STAB2: variants seen among roughly 807,000 people sequenced by gnomAD.
STAB2 encodes the protein stabilin-2.
A neutral mutation model predicts 338.1 loss-of-function variants in STAB2; 288 were observed. The observed-to-expected ratio is 0.85, with a 90% CI of 0.77 to 0.94. The LOEUF is 0.94. Ranked by LOEUF, STAB2 falls within the 40% of genes least tolerant of loss-of-function variation. The pLI, the probability that STAB2 is intolerant of heterozygous loss-of-function variation, is 0.00. For synonymous variants in STAB2, 1,202 were observed against 1,193.3 expected, an observed-to-expected ratio of 1.01 and a Z score of -0.15; for missense variants, 3,141 against 3,210.1, an observed-to-expected ratio of 0.98 and a Z score of 0.52.
At chr12:103,588,872 A>G (rs1322300576) in intron 1 of STAB2, among the ~76,000 whole-genome samples, 6 of 152,240 alleles carry the variant, frequency 3.9e-5, no homozygotes, top group Non-Finnish European at 8.8e-5. Context: ...ATTACTCAAT[A>G]AAGAACCTTC....
chr12:103,637,270 T>C (rs1290943655), intron 7 of STAB2, 34 bp downstream of exon 7: 1 of 1,596,432 alleles, frequency 6.3e-7, no homozygotes, highest in Non-Finnish European at 8.5e-7. Context: ...AGTTTATTCA[T>C]TGAGATGTTT....
chr12:103,619,860 T>C (rs1441124854), intron 3 of STAB2, among the ~76,000 whole-genome samples: 2 of 151,948 alleles, frequency 1.3e-5, no homozygotes, highest in Non-Finnish European at 2.9e-5. Context: ...TCCAAGACCT[T>C]GTACTTGCTA....
chr12:103,673,805 T>TG (rs1457724044), intron 22 of STAB2, 102 bp from the exon 23 acceptor site: 4 of 1,239,130 alleles, frequency 3.2e-6, no homozygotes, highest in South Asian at 2.9e-5. Context: ...CAAGAGTGAG[T>TG]GGGGGGTGAG....
At chr12:103,763,641 C>T in intron 68 of STAB2, 33 bp downstream of exon 68, 1 of 1,574,438 alleles carries the variant, frequency 6.4e-7, no homozygotes, top group Non-Finnish European at 8.7e-7. Flanking sequence ...GAATAGGTTC[C>T]CTTGGGGTAC....
chr12:103,744,501 C>G (rs113009487), intron 56 of STAB2, among the ~76,000 whole-genome samples: 4,116 of 137,934 alleles, frequency 0.03, 83 homozygotes, highest in Non-Finnish European at 0.045. Context: ...GGGTCTCACT[C>G]TGTTACCCAG....
intron 39 of STAB2, 113 bp from the exon 40 acceptor site, chr12:103,711,358 T>C: frequency 4.3e-6 from 6 of 1,400,490 alleles, no homozygotes; most frequent in African/African-American, 2.9e-5. Context: ...TTTATATCGC[T>C]CACATGATAC....
intron 33 of STAB2, among the ~76,000 whole-genome samples, chr12:103,698,791 G>A (rs768306890): frequency 6.6e-5 from 10 of 152,106 alleles, no homozygotes; most frequent in Non-Finnish European, 1.0e-4. Flanking sequence ...TAACTTCTCA[G>A]TAGTTCTGCC....
At chr12:103,689,534 CAT>C (rs1001775691) in intron 28 of STAB2, among the ~76,000 whole-genome samples, 9 of 151,762 alleles carry the variant, frequency 5.9e-5, no homozygotes, top group Non-Finnish European at 1.3e-4. Context: ...TGCACACACA[CAT>C]ACTCACAAGA....
At chr12:103,660,796 T>A in intron 17 of STAB2, 33 bp downstream of exon 17, 1 of 1,598,200 alleles carries the variant, frequency 6.3e-7, no homozygotes. Flanking sequence ...CCAGCATCAC[T>A]TGAACACATC....
chr12:103,627,892 C>T (rs1957404585), intron 5 of STAB2, among the ~76,000 whole-genome samples: 1 of 152,244 alleles, frequency 6.6e-6, no homozygotes, highest in Non-Finnish European at 1.5e-5. Flanking sequence ...CTTCCCACTA[C>T]ACTGTGAGCT....
intron 19 of STAB2, among the ~76,000 whole-genome samples, chr12:103,667,403 C>T (rs1324741987): frequency 6.6e-6 from 1 of 152,154 alleles, no homozygotes; most frequent in East Asian, 1.9e-4. Context: ...TCACCATAAC[C>T]AATGTATGAT....
chr12:103,620,691 T>A, intron 4 of STAB2, 138 bp downstream of exon 4: 1 of 794,116 alleles, frequency 1.3e-6, no homozygotes, highest in Non-Finnish European at 2.0e-6. Flanking sequence ...TCTTAAGCAG[T>A]GAAGGTATTA....
intron 22 of STAB2, among the ~76,000 whole-genome samples, chr12:103,671,285 C>G (rs1311728860): frequency 1.3e-5 from 2 of 152,114 alleles, no homozygotes; most frequent in Non-Finnish European, 2.9e-5. Context: ...AACCCCATCT[C>G]TACTAAAAAT....
At chr12:103,606,980 T>A (rs1048867234) in intron 3 of STAB2, among the ~76,000 whole-genome samples, 1 of 151,988 alleles carries the variant, frequency 6.6e-6, no homozygotes, top group Non-Finnish European at 1.5e-5. Context: ...CAAGACTCTG[T>A]CTCAAAAACA....
At chr12:103,601,466 C>G (rs1956953147) in intron 3 of STAB2, among the ~76,000 whole-genome samples, 1 of 152,150 alleles carries the variant, frequency 6.6e-6, no homozygotes, top group South Asian at 2.1e-4. Context: ...GTCGTGGGTG[C>G]CTGTAATCCA....
intron 63 of STAB2, among the ~76,000 whole-genome samples, chr12:103,757,020 T>TATATATATATATAAA (rs1884171878): frequency 7.8e-6 from 1 of 128,874 alleles, no homozygotes; most frequent in Admixed American, 7.9e-5. Context: ...TATATATATA[T>TATATATATATATAAA]ATATATATAT....
chr12:103,688,620 G>A (rs1877643772), intron 28 of STAB2, among the ~76,000 whole-genome samples: 1 of 152,098 alleles, frequency 6.6e-6, no homozygotes, highest in East Asian at 1.9e-4. Context: ...GCCAAGCCCA[G>A]CCAGCCATTG....
chr12:103,646,618 C>G (rs1198477216), intron 9 of STAB2, among the ~76,000 whole-genome samples: 2 of 152,166 alleles, frequency 1.3e-5, no homozygotes, highest in South Asian at 4.1e-4. Flanking sequence ...GTTTTCAGGT[C>G]CATCCTTAGC....
chr12:103,741,534 GTC>G (rs1257128649), intron 55 of STAB2, among the ~76,000 whole-genome samples: 1 of 152,164 alleles, frequency 6.6e-6, no homozygotes, highest in Non-Finnish European at 1.5e-5. Flanking sequence ...GCTCACTACA[GTC>G]TCAACCCTCT....
Sources: gnomAD v4.1 joint callset for allele counts (sites outside exome capture counted in the v4.1 genomes callset) on GRCh38, gnomAD v4.1.1 for gene constraint, MANE v1.5 for transcripts, NCBI Gene and HGNC (gene_info 2026-07-23, HGNC 2026-07-21) for gene names.